The following CSNK1G3 variants were observed in gnomAD, a reference collection of about 807,000 sequenced individuals.
CSNK1G3 encodes the protein casein kinase 1 gamma 3.
In CSNK1G3, 23 loss-of-function variants were observed where a neutral mutation model predicts 64.3. That is an observed-to-expected ratio of 0.36 (90% confidence interval 0.26 to 0.51). The LOEUF is 0.51. CSNK1G3 is among the 20% of genes least tolerant of loss of function. The probability of loss-of-function intolerance (pLI) is 0.96; values close to 1 mark genes in which losing one functional copy is unlikely to be tolerated. For missense variants in CSNK1G3, 357 were observed against 510.5 expected (o/e 0.70, Z 2.90); for synonymous variants, 158 against 162.2 (o/e 0.97, Z 0.20).
intron 6 of CSNK1G3, among the ~76,000 whole-genome samples, chr5:123,586,453 A>G (rs1331229967): frequency 6.6e-6 from 1 of 152,192 alleles, no homozygotes; most frequent in Non-Finnish European, 1.5e-5. Flanking sequence ...TCTCATCCCC[A>G]CTTTCATTAG....
chr5:123,552,439 C>T (rs6892568), intron 2 of CSNK1G3, among the ~76,000 whole-genome samples: 90,790 of 151,548 alleles, frequency 0.6, 28,334 homozygotes, highest in African/African-American at 0.78. Flanking sequence ...CCACCACGCC[C>T]GGCCATGATC....
At chr5:123,583,088 A>G (rs1319714178) in intron 6 of CSNK1G3, among the ~76,000 whole-genome samples, 2 of 152,218 alleles carry the variant, frequency 1.3e-5, no homozygotes, top group Non-Finnish European at 2.9e-5. Flanking sequence ...TATTGGCACT[A>G]TGTGACTAAA....
chr5:123,593,849 A>G (rs1372481504), intron 10 of CSNK1G3, among the ~76,000 whole-genome samples: 6 of 152,178 alleles, frequency 3.9e-5, no homozygotes, highest in Admixed American at 1.3e-4. Context: ...CTCTCCCCTT[A>G]AGGTTGTTCT....
intron 2 of CSNK1G3, among the ~76,000 whole-genome samples, chr5:123,552,334 C>T (rs946157660): frequency 6.6e-6 from 1 of 151,952 alleles, no homozygotes; most frequent in Non-Finnish European, 1.5e-5. Context: ...TTAGTAGAGA[C>T]AGGATTTCAC....
intron 1 of CSNK1G3, among the ~76,000 whole-genome samples, chr5:123,513,681 TAAG>T (rs1416444825): frequency 2.0e-5 from 3 of 152,170 alleles, no homozygotes; most frequent in Admixed American, 6.5e-5. Context: ...AAACTATATC[TAAG>T]ATGGGATATA....
rs1791769053 is a variant in CSNK1G3 at position 123,588,646 on chromosome 5, A to T, written c.844+135A>T. 7.7e-6 allele frequency: 5 copies of T among 649,130 alleles called. No homozygotes were observed. The South Asian group carries it at 1.0e-4, about 13-fold the overall frequency. The allele number at this position is 649,130 out of a possible 1,614,324, so 40.2% of individuals were successfully genotyped here. A position where few individuals can be genotyped will look rare whatever the true frequency, so the allele number is the denominator to read the frequency against. ...AAAATATGATTTAAAGGTTGTCAGCATTTGATGCCGAACCCACAGGGACAC... is the reference window on the plus strand; with the variant it reads ...AAAATATGATTTAAAGGTTGTCAGCTTTTGATGCCGAACCCACAGGGACAC... On this transcript the variant is annotated intron_variant, in intron 8 of 12. Transcript: ENST00000345990.
intron 4 of CSNK1G3, among the ~76,000 whole-genome samples, chr5:123,572,475 C>T (rs1788314757): frequency 6.6e-6 from 1 of 152,150 alleles, no homozygotes; most frequent in Non-Finnish European, 1.5e-5. Context: ...TTTATTATCT[C>T]ACAATTTCTA....
intron 10 of CSNK1G3, among the ~76,000 whole-genome samples, chr5:123,604,448 C>T (rs1002405346): frequency 6.6e-6 from 1 of 151,750 alleles, no homozygotes; most frequent in African/African-American, 2.4e-5. Flanking sequence ...GCCTTAAAAA[C>T]CAGAGGGAAG....
rs762119188 is a variant in CSNK1G3, at chr5:123,614,324, T to C, written c.1218-18T>C. ...TTTAGTGCTTTTAAAATAAAAAGAGTGTTTCCCTCATCTGCAGGTGCTGCT... is the reference window on the plus strand; with the variant it reads ...TTTAGTGCTTTTAAAATAAAAAGAGCGTTTCCCTCATCTGCAGGTGCTGCT... On this transcript the variant is annotated intron_variant, in intron 12 of 12. Coordinates refer to ENST00000345990, the Ensembl canonical transcript of CSNK1G3. 8 of 1,607,436 alleles carry C rather than the reference T, an allele frequency of 5.0e-6. No homozygotes were observed. The highest frequency in any genetic ancestry group is 1.7e-5 in the Admixed American group (1 of 58,264).
At chr5:123,599,578 C>G (rs1794079551) in intron 10 of CSNK1G3, among the ~76,000 whole-genome samples, 1 of 152,166 alleles carries the variant, frequency 6.6e-6, no homozygotes, top group African/African-American at 2.4e-5. Flanking sequence ...ACTATTGTCT[C>G]AATTACATTA....
chr5:123,517,548 C>T (rs186633413), intron 1 of CSNK1G3, among the ~76,000 whole-genome samples: 82 of 151,852 alleles, frequency 5.4e-4, no homozygotes, highest in African/African-American at 1.1e-3. Flanking sequence ...AAACACCTAA[C>T]GATCTAAAAA....
At chr5:123,570,700 A>AT (rs1787920333) in intron 4 of CSNK1G3, among the ~76,000 whole-genome samples, 1 of 152,070 alleles carries the variant, frequency 6.6e-6, no homozygotes, top group South Asian at 2.1e-4. Context: ...TTATTTTTAC[A>AT]TTTTTTATAT....
intron 4 of CSNK1G3, among the ~76,000 whole-genome samples, chr5:123,570,446 T>A (rs1581189623): frequency 6.7e-6 from 1 of 149,896 alleles, no homozygotes; most frequent in South Asian, 2.2e-4. Context: ...CTCCACCTCC[T>A]GGGTTCAAGC....
At chr5:123,549,067 A>G (rs1420429598) in intron 2 of CSNK1G3, among the ~76,000 whole-genome samples, 2 of 152,206 alleles carry the variant, frequency 1.3e-5, no homozygotes, top group African/African-American at 4.8e-5. Context: ...TATTGAATGC[A>G]TGTTGTTTTT....
At chr5:123,613,580 T>G (rs1226554265) in intron 12 of CSNK1G3, among the ~76,000 whole-genome samples, 1 of 151,926 alleles carries the variant, frequency 6.6e-6, no homozygotes, top group Non-Finnish European at 1.5e-5. Flanking sequence ...TCCAGGCTGG[T>G]CTTGAATTCT....
chr5:123,604,935 T>A, intron 11 of CSNK1G3, 105 bp downstream of exon 12: 1 of 802,696 alleles, frequency 1.2e-6, no homozygotes, highest in Non-Finnish European at 2.0e-6. Context: ...TTTCAGGGAA[T>A]AGGTGCATGC....
At chr5:123,562,088 T>C (rs570756178) in intron 4 of CSNK1G3, among the ~76,000 whole-genome samples, 15 of 152,274 alleles carry the variant, frequency 9.9e-5, no homozygotes, top group African/African-American at 3.6e-4. Context: ...ACTTTTTAGT[T>C]GCACTACACT....
intron 1 of CSNK1G3, among the ~76,000 whole-genome samples, chr5:123,541,175 CAA>C (rs936508451): frequency 2.0e-5 from 3 of 152,078 alleles, no homozygotes; most frequent in African/African-American, 7.2e-5. Flanking sequence ...AAATTTGTAA[CAA>C]TGATTGCCTT....
At chr5:123,574,959 A>G (rs1788883982) in intron 5 of CSNK1G3, among the ~76,000 whole-genome samples, 1 of 152,186 alleles carries the variant, frequency 6.6e-6, no homozygotes. Context: ...ATATGCTGCA[A>G]AGTTTGTTAA....
Sources: allele counts gnomAD v4.1 joint callset (sites outside exome capture counted in the v4.1 genomes callset), GRCh38; gene constraint gnomAD v4.1.1; transcripts MANE v1.5; gene names NCBI Gene and HGNC (gene_info 2026-07-23, HGNC 2026-07-21).